The following TBCK variants were observed in gnomAD, a reference collection of about 807,000 sequenced individuals.
TBCK encodes TBC1 domain containing kinase.
TBCK carries 99 observed loss-of-function variants against 113.4 expected under a neutral mutation model. The observed-to-expected ratio is 0.87, with a 90% CI of 0.74 to 1.03. The LOEUF is 1.03. TBCK is among the 50% of genes least tolerant of loss of function. The pLI is 0.00. For synonymous variants in TBCK, 369 were observed against 370.8 expected (o/e 1.00, Z 0.05); for missense variants, 1,045 against 1,061.3 (o/e 0.98, Z 0.21).
Position 106,043,472 on chromosome 4 carries a change from C to T in TBCK, c.*3098G>A, listed in dbSNP as rs541551893. The T allele has an allele frequency of 1.3e-5, 2 of 152,226 alleles. No homozygotes were observed. The highest frequency in any genetic ancestry group is 3.9e-4 in the East Asian group (2 of 5,188). The allele number at this position is 152,226 out of a possible 1,614,324, so 9.4% of individuals were successfully genotyped here. A position where few individuals can be genotyped will look rare whatever the true frequency, so the allele number is the denominator to read the frequency against. ...TAGATTCAATTTTATATTAATTGAG[C>T]ATATCCAATGTGGTGGGTTGCTGAA... On this transcript the variant is annotated 3_prime_UTR_variant, in exon 26 of 26. Transcript: ENST00000394708.
chr4:106,079,749 G>C (rs1738638222), intron 25 of TBCK, among the ~76,000 whole-genome samples: 1 of 152,134 alleles, frequency 6.6e-6, no homozygotes, highest in Non-Finnish European at 1.5e-5. Flanking sequence ...GCCTGAGACT[G>C]GGTATTCATA....
chr4:106,183,469 T>C (rs1752640478), intron 22 of TBCK, among the ~76,000 whole-genome samples: 3 of 152,122 alleles, frequency 2.0e-5, no homozygotes, highest in South Asian at 4.1e-4. Context: ...CTCACATATC[T>C]GTGTTATCCT....
At chr4:106,289,927 A>C (rs538632771) in intron 3 of TBCK, among the ~76,000 whole-genome samples, 1 of 152,310 alleles carries the variant, frequency 6.6e-6, no homozygotes, top group South Asian at 2.1e-4. Context: ...GACTTGTCCA[A>C]GGATGCCTAA....
chr4:106,203,283 C>CATATATATATATAT (rs10565641), intron 20 of TBCK, among the ~76,000 whole-genome samples: 9 of 146,300 alleles, frequency 6.2e-5, no homozygotes, highest in African/African-American at 2.2e-4. Flanking sequence ...TATATTTTCA[C>CATATATATATATAT]ATATATATAT....
At chr4:106,105,611 C>T (rs1373158371) in intron 24 of TBCK, among the ~76,000 whole-genome samples, 1 of 152,198 alleles carries the variant, frequency 6.6e-6, no homozygotes, top group Non-Finnish European at 1.5e-5. Context: ...TAAGTGTCAC[C>T]TGCTGGATAA....
chr4:106,254,046 T>C (rs76028255), intron 5 of TBCK, among the ~76,000 whole-genome samples: 20,737 of 152,194 alleles, frequency 0.14, 1,679 homozygotes, highest in South Asian at 0.25. Context: ...ACGTATGTGA[T>C]GTATCTTTCA....
intron 2 of TBCK, among the ~76,000 whole-genome samples, chr4:106,299,896 G>A (rs1766738718): frequency 6.6e-6 from 1 of 152,172 alleles, no homozygotes; most frequent in South Asian, 2.1e-4. Context: ...ATTTGAGGAA[G>A]CAAAAGTATG....
At chr4:106,132,910 C>G (rs1746124233) in intron 23 of TBCK, among the ~76,000 whole-genome samples, 1 of 152,116 alleles carries the variant, frequency 6.6e-6, no homozygotes, top group South Asian at 2.1e-4. Context: ...GTGTATTTAC[C>G]CAATGCCTGT....
Position 106,137,992 on chromosome 4 carries a change from A to T in TBCK, c.2236-21614T>A, listed in dbSNP as rs1746763776. Among the ~76,000 whole-genome samples the T allele has an allele frequency of 3.5e-5, 5 of 141,468 alleles. 1 individual carries two copies. Among genetic ancestry groups the T allele is most frequent in the African/African-American group, 7.5e-5 (3 of 40,084 alleles). The allele number at this position is 141,468 out of a possible 152,430, so 92.8% of individuals were successfully genotyped here. On this transcript the variant is annotated intron_variant, in intron 23 of 25. Transcript: ENST00000394708. ...GTATTTGTACAGTCATGTGTTGCTT[A>T]ACAAAGGGAATATGTTCTAAGAAAT...
intron 3 of TBCK, among the ~76,000 whole-genome samples, chr4:106,264,774 T>A (rs1323404188): frequency 1.3e-5 from 2 of 152,020 alleles, no homozygotes; most frequent in Non-Finnish European, 2.9e-5. Flanking sequence ...ATACTATTTT[T>A]AAATTTCTTT....
intron 25 of TBCK, among the ~76,000 whole-genome samples, chr4:106,090,290 C>G (rs1740064758): frequency 6.6e-6 from 1 of 152,202 alleles, no homozygotes; most frequent in African/African-American, 2.4e-5. Flanking sequence ...GTGGCCGGAG[C>G]CTGAGTGGTC....
chr4:106,312,265 TACC>T (rs1437654590), intron 1 of TBCK, among the ~76,000 whole-genome samples: 2 of 152,072 alleles, frequency 1.3e-5, no homozygotes, highest in South Asian at 2.1e-4. Flanking sequence ...TATAAAGAAA[TACC>T]ACAATTCAAT....
intron 22 of TBCK, among the ~76,000 whole-genome samples, chr4:106,176,722 G>T (rs1751708037): frequency 6.6e-6 from 1 of 151,838 alleles, no homozygotes; most frequent in African/African-American, 2.4e-5. Flanking sequence ...GGATCTTATG[G>T]TGCTTCTATT....
intron 12 of TBCK, among the ~76,000 whole-genome samples, chr4:106,237,187 A>T (rs1183587421): frequency 6.6e-6 from 1 of 152,104 alleles, no homozygotes; most frequent in Non-Finnish European, 1.5e-5. Context: ...CCATGTATAT[A>T]CTAAAAGAAC....
At chr4:106,083,549 T>G (rs1739149322) in intron 25 of TBCK, among the ~76,000 whole-genome samples, 2 of 152,120 alleles carry the variant, frequency 1.3e-5, no homozygotes, top group African/African-American at 2.4e-5. Flanking sequence ...ACGAGTGGGT[T>G]TCCCCCCAGT....
chr4:106,092,628 G>A (rs1339855045), intron 25 of TBCK, among the ~76,000 whole-genome samples: 6 of 152,202 alleles, frequency 3.9e-5, no homozygotes, highest in Admixed American at 1.3e-4. Flanking sequence ...CGCACCCTCC[G>A]CAGCTGCTGG....
intron 19 of TBCK, among the ~76,000 whole-genome samples, chr4:106,219,718 A>T (rs1757445030): frequency 2.6e-5 from 4 of 150,998 alleles, no homozygotes; most frequent in Admixed American, 2.6e-4. Context: ...TTTTTTTTTT[A>T]AATATAGACT....
intron 23 of TBCK, among the ~76,000 whole-genome samples, chr4:106,117,869 C>T (rs931767539): frequency 3.3e-5 from 5 of 151,980 alleles, no homozygotes; most frequent in South Asian, 2.1e-4. Flanking sequence ...ATTAGCCGGG[C>T]GTGGCAGTGG....
chr4:106,188,079 T>TTGCCTG (rs1753236165), intron 22 of TBCK, among the ~76,000 whole-genome samples: 1 of 152,162 alleles, frequency 6.6e-6, no homozygotes, highest in African/African-American at 2.4e-5. Flanking sequence ...GGACTTCCAG[T>TTGCCTG]ACTATGTGGA....
Sources: allele counts gnomAD v4.1 joint callset (sites outside exome capture counted in the v4.1 genomes callset), GRCh38; gene constraint gnomAD v4.1.1; transcripts MANE v1.5; gene names NCBI Gene and HGNC (gene_info 2026-07-23, HGNC 2026-07-21).